The following BNIP1 variants were observed in gnomAD, a reference collection of about 807,000 sequenced individuals.
BNIP1 encodes vesicle transport protein SEC20.
In BNIP1, 25 loss-of-function variants were observed where a neutral mutation model predicts 28.5. The ratio of observed to expected loss-of-function variants is 0.88; its 90% CI spans 0.64 to 1.23. The LOEUF (loss-of-function observed/expected upper bound fraction) is 1.23, where lower values mean the gene tolerates loss of function less well. Ranked by LOEUF, BNIP1 falls within the 50% of genes most tolerant of loss-of-function variation. BNIP1 has a pLI of 0.00. For synonymous variants in BNIP1, 118 were observed against 101.7 expected (o/e 1.16, Z -0.96); for missense variants, 276 against 277.0 (o/e 1.00, Z 0.02).
intron 2 of BNIP1, among the ~76,000 whole-genome samples, chr5:173,152,506 C>T (rs757637323): frequency 1.3e-5 from 2 of 152,060 alleles, no homozygotes; most frequent in Admixed American, 6.6e-5. Flanking sequence ...CCCGCCACCA[C>T]GCCTGGCTAA....
At chr5:173,154,237 A>G in intron 2 of BNIP1, 85 bp from the exon 3 acceptor site, 3 of 1,239,152 alleles carry the variant, frequency 2.4e-6, no homozygotes, top group Middle Eastern at 1.9e-4. Flanking sequence ...GTGCTATTGT[A>G]TGCCCTTGGC....
At chr5:173,151,343 C>A (rs1296181718) in intron 2 of BNIP1, among the ~76,000 whole-genome samples, 1 of 151,456 alleles carries the variant, frequency 6.6e-6, no homozygotes, top group Non-Finnish European at 1.5e-5. Context: ...TGCCTCAGTC[C>A]CCCAAATAGT....
chr5:173,163,915 TTTGTGAGATCCCAAAGGTG>T lies in BNIP1; in HGVS notation c.682_*13del. On this transcript the variant is annotated stop_lost and 3_prime_UTR_variant, in exon 6 of 6. Coordinates refer to ENST00000351486, the MANE Select transcript of BNIP1 (RefSeq NM_001205.3). Reference sequence around the variant, plus strand: ...TTGTGAAAAAGCGGCTCTTTCCATTTTTGTGAGATCCCAAAGGTGCCAGTTCTGGCCCTTTCAGCTCCTG... The same window carrying T: ...TTGTGAAAAAGCGGCTCTTTCCATTTCCAGTTCTGGCCCTTTCAGCTCCTG... The T allele has an allele frequency of 1.9e-6, 3 of 1,601,352 alleles. No individual in the cohort carries two copies. The highest frequency in any genetic ancestry group is 2.6e-6 in the Non-Finnish European group (3 of 1,173,676).
At chr5:173,158,877 T>A in intron 4 of BNIP1, 32 bp downstream of exon 4, 2 of 1,547,986 alleles carry the variant, frequency 1.3e-6, no homozygotes, top group South Asian at 2.3e-5. Context: ...TGGGCTCCGA[T>A]AATAATAGAT....
At chr5:173,159,154 C>T (rs565622422) in intron 4 of BNIP1, among the ~76,000 whole-genome samples, 21 of 152,166 alleles carry the variant, frequency 1.4e-4, no homozygotes, top group Non-Finnish European at 1.5e-5. Context: ...TCTCCTGCCT[C>T]AGCCTCCAAA....
chr5:173,149,448 A>G (rs755434973), intron 2 of BNIP1, among the ~76,000 whole-genome samples: 18 of 152,154 alleles, frequency 1.2e-4, no homozygotes, highest in Non-Finnish European at 2.4e-4. Context: ...CTGTAATTCA[A>G]TCATCTCCCA....
chr5:173,148,683 T>C (rs1273533587), intron 2 of BNIP1, among the ~76,000 whole-genome samples: 2 of 152,152 alleles, frequency 1.3e-5, no homozygotes, highest in African/African-American at 4.8e-5. Context: ...CTTGTCATTA[T>C]CTGGAGACAT....
At chr5:173,157,634 C>T (rs558324826) in intron 3 of BNIP1, among the ~76,000 whole-genome samples, 3 of 151,898 alleles carry the variant, frequency 2.0e-5, no homozygotes, top group East Asian at 3.9e-4. Context: ...AGGCTGGTCT[C>T]GAACTCCTGA....
chr5:173,161,005 T>C (rs1760346191), intron 5 of BNIP1: 1 of 364,134 alleles, frequency 2.7e-6, no homozygotes, highest in Non-Finnish European at 5.4e-6. Context: ...TTTTGGAAAA[T>C]TGCACACGTG....
intron 5 of BNIP1, among the ~76,000 whole-genome samples, chr5:173,162,263 A>G (rs1025438700): frequency 6.6e-6 from 1 of 152,248 alleles, no homozygotes; most frequent in Non-Finnish European, 1.5e-5. Flanking sequence ...ATTTCAATGT[A>G]AAACTAATAT....
chr5:173,163,879 G>T lies in BNIP1; in HGVS notation c.645G>T (p.Thr215=). Residue 215 remains threonine, a synonymous_variant, in exon 6 of 6, where the codon ACG becomes ACT. Coordinates refer to ENST00000351486, the MANE Select transcript of BNIP1 (RefSeq NM_001205.3). ...TTGCGCTAGCCCTGTTTCTTGCTAC[G>T]GTCCTCTATATTGTGAAAAAGCGGC... ...IFLALALFLA[T]VLYIVKKRLF... is the part of the protein sequence containing the mutation. 1 of 1,613,174 alleles carries T rather than the reference G, an allele frequency of 6.2e-7. No homozygotes were observed. The highest frequency in any genetic ancestry group is 1.7e-4 in the Middle Eastern group (1 of 6,052).
Position 173,163,858 on chromosome 5 carries a change from G to C in BNIP1, c.624G>C (p.Ala208=). The C allele has an allele frequency of 1.2e-6, 2 of 1,613,962 alleles. No individual in the cohort carries two copies. Among genetic ancestry groups the C allele is most frequent in the Non-Finnish European group, 1.7e-6 (2 of 1,179,970 alleles). The stretch of plus-strand genomic sequence containing the variant: ...CGGACAAGCTTCTCATCTTCCTTGC[G>C]CTAGCCCTGTTTCTTGCTACGGTCC... The part of the protein sequence containing the change: ...ELTDKLLIFL[A]LALFLATVLY... Residue 208 remains alanine, a synonymous_variant, in exon 6 of 6, where the codon GCG becomes GCC. Coordinates refer to ENST00000351486, the MANE Select transcript of BNIP1 (RefSeq NM_001205.3).
chr5:173,157,210 C>T (rs905764887), intron 3 of BNIP1, among the ~76,000 whole-genome samples: 8 of 152,198 alleles, frequency 5.3e-5, no homozygotes, highest in African/African-American at 1.7e-4. Context: ...TGTGAAATGG[C>T]GGAGCAGGTG....
Position 173,164,174 on chromosome 5 carries a change from A to G in BNIP1, c.*253A>G. ...GAACCGCCTCCTTCCACCATTGTGC[A>G]CTATGGGAGGCCGCTGCTGCGTGGA... On this transcript the variant is annotated 3_prime_UTR_variant, in exon 6 of 6. Transcript: ENST00000351486. This position sits in a 1 kb window ranked among gnomAD's most constrained non-coding sequence, Gnocchi z 4.0. The G allele has an allele frequency of 5.7e-6, 2 of 351,032 alleles. No individual in the cohort carries two copies. The highest frequency in any genetic ancestry group is 8.9e-5 in the East Asian group (2 of 22,510). 21.7% of individuals were successfully genotyped at this position (351,032 alleles called of 1,614,324 possible).
rs1581066893 is a variant in BNIP1, at chr5:173,146,887, C to T, written c.106C>T (p.Pro36Ser). ...LIQDIRDCSG[P>S]LSALTELNTK... ...CTAGGATATCCGTGATTGTTCAGGA[C>T]CCTTAAGTGCTCTTACTGAACTGAA... Residue 36 changes from proline (P) to serine (S), a missense_variant, in exon 2 of 6, where the codon CCC becomes TCC. Coordinates refer to ENST00000351486, the MANE Select transcript of BNIP1 (RefSeq NM_001205.3). The T allele has an allele frequency of 6.2e-7, 1 of 1,613,830 alleles. No homozygotes were observed. The highest frequency in any genetic ancestry group is 1.1e-5 in the South Asian group (1 of 91,064).
chr5:173,154,467 T>G, intron 3 of BNIP1, 54 bp downstream of exon 3: 1 of 1,446,294 alleles, frequency 6.9e-7, no homozygotes, highest in African/African-American at 1.4e-5. Context: ...TTGTTGCCTG[T>G]GAGCCTTGCA....
intron 3 of BNIP1, among the ~76,000 whole-genome samples, chr5:173,155,881 A>G (rs5745145): frequency 6.6e-5 from 10 of 151,744 alleles, no homozygotes; most frequent in African/African-American, 2.4e-4. Flanking sequence ...GTGCCTGGCT[A>G]AATCATTCTC....
At chr5:173,153,863 C>A (rs255292) in intron 2 of BNIP1, among the ~76,000 whole-genome samples, 74,820 of 152,028 alleles carry the variant, frequency 0.49, 19,490 homozygotes, top group Non-Finnish European at 0.58. Context: ...AGCTCTCAAA[C>A]CTTCAAGCGC....
At chr5:173,160,942 C>T (rs1375340201) in intron 5 of BNIP1, 1 of 446,770 alleles carries the variant, frequency 2.2e-6, no homozygotes, top group Non-Finnish European at 4.5e-6. Flanking sequence ...CAGCCCTCTC[C>T]AGGGTCCTTC....
Sources: gnomAD v4.1 joint callset for allele counts (sites outside exome capture counted in the v4.1 genomes callset) on GRCh38, gnomAD v4.1.1 for gene constraint, Gnocchi (gnomAD v3.1) non-coding constraint, MANE v1.5 for transcripts, NCBI Gene and HGNC (gene_info 2026-07-23, HGNC 2026-07-21) for gene names.